Variants in IMPG1 observed in about 807,000 individuals in gnomAD.
The protein encoded by IMPG1 is interphotoreceptor matrix proteoglycan of 150 kDa.
Under a neutral mutation model 92.0 loss-of-function variants are expected in IMPG1, and 85 were observed. That is an observed-to-expected ratio of 0.92 (90% CI 0.78 to 1.11). The LOEUF (loss-of-function observed/expected upper bound fraction) is 1.11. Among genes scored for constraint, IMPG1 ranks in the 50% least tolerant of loss-of-function variants. The pLI, the probability that IMPG1 is intolerant of heterozygous loss-of-function variation, is 0.00. For missense variants in IMPG1, 1,022 were observed against 956.0 expected, an observed-to-expected ratio of 1.07 and a Z score of -0.91; for synonymous variants, 367 against 334.1, an observed-to-expected ratio of 1.10 and a Z score of -1.08.
intron 15 of IMPG1, among the ~76,000 whole-genome samples, chr6:75,924,502 A>G (rs1171292001): frequency 5.3e-5 from 5 of 95,196 alleles, no homozygotes; most frequent in African/African-American, 2.1e-4. Flanking sequence ...ATATAATTAT[A>G]TAATATAATT....
At position 75,931,038 on chromosome 6, in the gene IMPG1, C is replaced by T; in HGVS notation, c.2158G>A (p.Gly720Arg). 1 of 1,614,204 alleles carries T rather than the reference C, an allele frequency of 6.2e-7. No individual in the cohort carries two copies. The highest frequency in any genetic ancestry group is 8.5e-7 in the Non-Finnish European group (1 of 1,180,036). Residue 720 changes from glycine (G) to arginine (R), a missense_variant, in exon 15 of 17, where the codon GGG (glycine) becomes AGG (arginine). By Grantham distance (125) the Gly-to-Arg change is moderately radical. This residue lies in a region of IMPG1 where 332 missense variants were observed against 346.2 expected (regional missense o/e 0.96). Transcript: ENST00000369950. ...CRCKPGYDSQGSLDGLEPGLC... is the reference protein window; with the variant it reads ...CRCKPGYDSQRSLDGLEPGLC... ...CCTGGTTCCAGACCGTCCAGGCTCC[C>T]CTGGCTGTCATATCCTGGTTTGCAG...
In IMPG1 at chr6:75,950,686, G is replaced by A. The variant is rs745882876; in HGVS notation, c.1700C>T (p.Ala567Val). 1.9e-6 allele frequency: 3 copies of A among 1,613,896 alleles called. No individual in the cohort carries two copies. The highest frequency in any genetic ancestry group is 2.7e-5 in the African/African-American group (2 of 75,030). The change falls in exon 13 of 17, where the codon GCC becomes GTC. Residue 567 changes from alanine to valine, a missense_variant. By Grantham distance (64) the Ala-to-Val change is moderately conservative. Coordinates refer to ENST00000369950, the MANE Select transcript of IMPG1 (RefSeq NM_001563.4). ...QYITTSSMTI[A>V]PKGRELVVFF... The stretch of plus-strand genomic sequence containing the variant: ...CACTACCAGCTCTCGGCCCTTGGGG[G>A]CAATGGTCATAGAACTAGTGGTGAT...
intron 12 of IMPG1, among the ~76,000 whole-genome samples, chr6:75,960,693 T>C (rs539303685): frequency 1.3e-5 from 2 of 152,332 alleles, no homozygotes; most frequent in Admixed American, 1.3e-4. Context: ...ATAATCATGT[T>C]TTCATCTAAT....
chr6:76,022,276 G>A (rs1236608448), intron 5 of IMPG1, 57 bp from the exon 6 acceptor site: 14 of 935,086 alleles, frequency 1.5e-5, no homozygotes, highest in Non-Finnish European at 2.2e-5. Flanking sequence ...GTTTAAATTA[G>A]AACGAGGTCA....
chr6:76,037,684 T>C (rs1783765095), intron 2 of IMPG1, among the ~76,000 whole-genome samples: 1 of 152,194 alleles, frequency 6.6e-6, no homozygotes, highest in South Asian at 2.1e-4. Flanking sequence ...TTCTTACATA[T>C]TCCACACTCT....
intron 10 of IMPG1, among the ~76,000 whole-genome samples, chr6:76,004,634 GA>G (rs1165388213): frequency 2.6e-5 from 4 of 152,074 alleles, no homozygotes; most frequent in Non-Finnish European, 4.4e-5. Context: ...GCCCTCTGAG[GA>G]TCCTAAGTGT....
At chr6:76,014,529 T>A (rs1482693301) in intron 7 of IMPG1, among the ~76,000 whole-genome samples, 1 of 152,216 alleles carries the variant, frequency 6.6e-6, no homozygotes, top group African/African-American at 2.4e-5. Flanking sequence ...ACATCTGCTG[T>A]GGCTTCCTAG....
intron 12 of IMPG1, among the ~76,000 whole-genome samples, chr6:75,965,030 A>T (rs1160871903): frequency 6.6e-6 from 1 of 152,186 alleles, no homozygotes; most frequent in African/African-American, 2.4e-5. Context: ...TGTATCAATA[A>T]TTTGTTCCTT....
In IMPG1 at chr6:75,947,309, T is replaced by C; in HGVS notation, c.2044+5A>G. ...TCTACCACTTTCTGGGTTGGATTCT[T>C]TTACCTGGTTCAATGTTGAGAGAGT... is the stretch of plus-strand genomic sequence containing the variant. On this transcript the variant is annotated splice_donor_5th_base_variant and intron_variant, in intron 14 of 16. Coordinates refer to ENST00000369950, the MANE Select transcript of IMPG1 (RefSeq NM_001563.4). 1 of 1,609,070 alleles carries C rather than the reference T, an allele frequency of 6.2e-7. No individual in the cohort carries two copies. Among genetic ancestry groups the C allele is most frequent in the Non-Finnish European group, 8.5e-7 (1 of 1,175,608 alleles).
intron 4 of IMPG1, among the ~76,000 whole-genome samples, chr6:76,030,745 A>G (rs1267415961): frequency 2.0e-5 from 3 of 152,232 alleles, no homozygotes; most frequent in Middle Eastern, 3.4e-3. Flanking sequence ...CTTTTCCCCA[A>G]ATCAGCAGCC....
At chr6:76,026,910 A>T (rs1049369659) in intron 4 of IMPG1, among the ~76,000 whole-genome samples, 8 of 152,180 alleles carry the variant, frequency 5.3e-5, no homozygotes, top group Admixed American at 2.6e-4. Context: ...GCCTTATGGA[A>T]TGAGCCCTTT....
chr6:76,024,126 T>G (rs182955851), intron 5 of IMPG1, among the ~76,000 whole-genome samples: 1 of 152,252 alleles, frequency 6.6e-6, no homozygotes, highest in East Asian at 1.9e-4. Context: ...GCTTGTCCTA[T>G]TATTAGCTAC....
chr6:76,038,933 A>G (rs1783788506), intron 2 of IMPG1, among the ~76,000 whole-genome samples: 2 of 152,236 alleles, frequency 1.3e-5, no homozygotes, highest in Non-Finnish European at 2.9e-5. Context: ...TGTTAGACCA[A>G]TGGTATGTGA....
intron 14 of IMPG1, among the ~76,000 whole-genome samples, chr6:75,941,057 T>C (rs1781830845): frequency 6.6e-6 from 1 of 152,214 alleles, no homozygotes; most frequent in Non-Finnish European, 1.5e-5. Context: ...GACTCTATTA[T>C]GTCTTTTTGT....
chr6:75,942,430 C>T (rs192955724), intron 14 of IMPG1, among the ~76,000 whole-genome samples: 55 of 152,276 alleles, frequency 3.6e-4, no homozygotes, highest in Non-Finnish European at 1.2e-4. Context: ...TCTTGGGTCT[C>T]GCTTACTACA....
intron 1 of IMPG1, 104 bp from the exon 2 acceptor site, chr6:76,042,230 G>T: frequency 2.9e-6 from 2 of 700,242 alleles, no homozygotes; most frequent in Non-Finnish European, 2.5e-6. Context: ...TAATCCTTTA[G>T]TTTATGAAAT....
Position 76,072,655 on chromosome 6 carries a change from C to T in IMPG1, c.-167G>A, listed in dbSNP as rs182931838. ...GTGTTAATTTATGAAGAACATGTAG[C>T]AGTGTCTGTTTCTGGAATAATCTGC... On this transcript the variant is annotated 5_prime_UTR_variant, in exon 1 of 17. Transcript: ENST00000369950. The T allele has an allele frequency of 9.9e-4, 505 of 507,604 alleles. 3 individuals are homozygous for T. The highest frequency in any genetic ancestry group is 3.7e-3 in the South Asian group (128 of 34,926). The allele number at this position is 507,604 out of a possible 1,614,324, so 31.4% of individuals were successfully genotyped here.
chr6:75,999,350 G>T (rs1782949156), intron 12 of IMPG1, among the ~76,000 whole-genome samples: 1 of 152,224 alleles, frequency 6.6e-6, no homozygotes, highest in Non-Finnish European at 1.5e-5. Context: ...GAAGCTGAAA[G>T]ATTTCTTTGA....
intron 10 of IMPG1, among the ~76,000 whole-genome samples, 173 bp from the exon 11 acceptor site, chr6:76,004,123 T>C (rs997335949): frequency 2.0e-5 from 3 of 152,166 alleles, no homozygotes; most frequent in African/African-American, 7.2e-5. Context: ...GAATGATATA[T>C]TGAAGGACAG....
Sources: allele counts gnomAD v4.1 joint callset (sites outside exome capture counted in the v4.1 genomes callset), GRCh38; gene constraint gnomAD v4.1.1; regional missense constraint gnomAD v4.1.1; transcripts MANE v1.5; gene names NCBI Gene and HGNC (gene_info 2026-07-23, HGNC 2026-07-21).